MYOZ2: variants seen among roughly 807,000 people sequenced by gnomAD.
MYOZ2 encodes the protein myozenin 2.
In MYOZ2, 19 loss-of-function variants were observed where a neutral mutation model predicts 25.4. That is an observed-to-expected ratio of 0.75 (90% CI 0.52 to 1.10). MYOZ2 has a LOEUF of 1.10. Ranked by LOEUF, MYOZ2 falls within the 50% of genes least tolerant of loss-of-function variation. The probability of loss-of-function intolerance (pLI) is 0.00; values close to 1 mark genes in which losing one functional copy is unlikely to be tolerated. For missense variants in MYOZ2, 270 were observed against 317.9 expected, an observed-to-expected ratio of 0.85 and a Z score of 1.15; for synonymous variants, 92 against 106.9, an observed-to-expected ratio of 0.86 and a Z score of 0.86.
intron 4 of MYOZ2, among the ~76,000 whole-genome samples, chr4:119,159,009 C>G (rs1174369484): frequency 6.6e-6 from 1 of 152,112 alleles, no homozygotes; most frequent in Non-Finnish European, 1.5e-5. Flanking sequence ...GATGGATACC[C>G]CATTTATCCT....
intron 5 of MYOZ2, among the ~76,000 whole-genome samples, chr4:119,172,012 G>A (rs1368511019): frequency 1.3e-5 from 2 of 152,250 alleles, no homozygotes; most frequent in East Asian, 3.9e-4. Context: ...TAGTCAAATG[G>A]CATTCAGCAA....
intron 4 of MYOZ2, 94 bp downstream of exon 4, chr4:119,158,245 A>G: frequency 6.7e-7 from 1 of 1,490,168 alleles, no homozygotes; most frequent in South Asian, 1.2e-5. Context: ...TAGTATTTAA[A>G]TAATATATCT....
At position 119,176,978 on chromosome 4, in the gene MYOZ2, T is replaced by C. The variant is rs577927917; in HGVS notation, c.561-8988T>C. On this transcript the variant is annotated intron_variant, in intron 5 of 5. Coordinates refer to ENST00000307128, the MANE Select transcript of MYOZ2 (RefSeq NM_016599.5). ...AGTGCTGCTATCTGTGACCACACAC[T>C]GAGTACTGGGAGGCGGAGGTTGCAG... 3.9e-4 allele frequency among the ~76,000 whole-genome samples: 60 copies of C among 152,278 alleles called. No homozygotes were observed. The South Asian group carries it at 7.3e-3, about 18-fold the overall frequency.
At chr4:119,174,537 G>C (rs998292164) in intron 5 of MYOZ2, among the ~76,000 whole-genome samples, 1 of 152,100 alleles carries the variant, frequency 6.6e-6, no homozygotes, top group South Asian at 2.1e-4. Context: ...AGCTGCTCTG[G>C]TGGGGCCTTG....
intron 5 of MYOZ2, among the ~76,000 whole-genome samples, chr4:119,178,470 CT>C (rs2149229088): frequency 6.6e-6 from 1 of 152,292 alleles, no homozygotes; most frequent in South Asian, 2.1e-4. Flanking sequence ...AAATGGGCTC[CT>C]TTTCCAATCT....
chr4:119,138,063 G>GT (rs958795840), intron 2 of MYOZ2, among the ~76,000 whole-genome samples: 8 of 152,018 alleles, frequency 5.3e-5, no homozygotes, highest in African/African-American at 9.6e-5. Flanking sequence ...AGGGTAAGAA[G>GT]TTTTTTTTCC....
intron 3 of MYOZ2, among the ~76,000 whole-genome samples, chr4:119,152,213 AT>A (rs1347588768): frequency 1.7e-5 from 2 of 117,780 alleles, no homozygotes; most frequent in East Asian, 4.9e-4. Flanking sequence ...GTGAAGAATG[AT>A]TTTTTAATTG....
chr4:119,160,148 C>T (rs1410905948), intron 4 of MYOZ2, among the ~76,000 whole-genome samples: 1 of 152,126 alleles, frequency 6.6e-6, no homozygotes, highest in Non-Finnish European at 1.5e-5. Flanking sequence ...TTTACAGGGT[C>T]ACTGTGCAAA....
At chr4:119,153,090 T>C (rs748921511) in intron 3 of MYOZ2, among the ~76,000 whole-genome samples, 1 of 151,898 alleles carries the variant, frequency 6.6e-6, no homozygotes, top group Non-Finnish European at 1.5e-5. Context: ...TTTCTGAATT[T>C]TCCCCCTCAT....
chr4:119,143,482 C>G lies in MYOZ2; in HGVS notation c.76+6881C>G, dbSNP rs147767147. On this transcript the variant is annotated intron_variant, in intron 2 of 5. Coordinates refer to ENST00000307128, the MANE Select transcript of MYOZ2 (RefSeq NM_016599.5). ...GTGCTGGGATTATAGGCGTGAGCCA[C>G]CGCGCCTGGCCTGGCAATTAAATTT... Among the ~76,000 whole-genome samples the G allele has an allele frequency of 5.3e-3, 814 of 152,318 alleles. 6 individuals are homozygous for G. The highest frequency in any genetic ancestry group is 0.019 in the African/African-American group (795 of 41,560).
At chr4:119,145,089 G>C (rs1257448518) in intron 2 of MYOZ2, among the ~76,000 whole-genome samples, 1 of 152,026 alleles carries the variant, frequency 6.6e-6, no homozygotes, top group East Asian at 1.9e-4. Flanking sequence ...TCTTTGCCTA[G>C]CTCTAGATCT....
rs145164816 is a variant in MYOZ2 at position 119,144,358 on chromosome 4, C to A, written c.77-6514C>A. Among the ~76,000 whole-genome samples the A allele has an allele frequency of 4.5e-3, 688 of 152,210 alleles. 5 individuals are homozygous for A. Among genetic ancestry groups the A allele is most frequent in the African/African-American group, 0.015 (608 of 41,520 alleles). On this transcript the variant is annotated intron_variant, in intron 2 of 5. Coordinates refer to ENST00000307128, the MANE Select transcript of MYOZ2 (RefSeq NM_016599.5). ...ACCACAGTGTTTTTAATAGTTTACCCATTGAAGTACATCTGGGTTGTTTTC... is the reference window on the plus strand; with the variant it reads ...ACCACAGTGTTTTTAATAGTTTACCAATTGAAGTACATCTGGGTTGTTTTC...
intron 4 of MYOZ2, among the ~76,000 whole-genome samples, chr4:119,158,504 A>T (rs1355979193): frequency 1.3e-5 from 2 of 152,106 alleles, no homozygotes; most frequent in Non-Finnish European, 1.5e-5. Context: ...GTGAGCCATG[A>T]TCACACCACT....
chr4:119,174,094 C>T (rs1362960263), intron 5 of MYOZ2, among the ~76,000 whole-genome samples: 1 of 152,216 alleles, frequency 6.6e-6, no homozygotes. Flanking sequence ...CGTGGGCCGC[C>T]TGAGCCTCCC....
intron 3 of MYOZ2, among the ~76,000 whole-genome samples, chr4:119,154,892 A>ACAC (rs58689464): frequency 0.22 from 32,382 of 148,278 alleles, 3,896 homozygotes; most frequent in East Asian, 0.3. Flanking sequence ...CACACACACA[A>ACAC]TGCCTTTCTT....
At position 119,186,182 on chromosome 4, in the gene MYOZ2, A is replaced by G. The variant is rs1362642764; in HGVS notation, c.777A>G (p.Pro259=). The change falls in exon 6 of 6, where the codon CCA becomes CCG. Residue 259 remains proline, a synonymous_variant. Transcript: ENST00000307128. ...TTEPTDDTTV[P]ESEDL ...AACCTACAGATGATACCACTGTACC[A>G]GAATCAGAAGACCTATGAAAAGAAA... is the stretch of plus-strand genomic sequence containing the variant. 1 of 1,611,704 alleles carries G rather than the reference A, an allele frequency of 6.2e-7. No homozygotes were observed. Among genetic ancestry groups the G allele is most frequent in the Admixed American group, 1.7e-5 (1 of 60,020 alleles).
At chr4:119,151,084 T>C in intron 3 of MYOZ2, 43 bp downstream of exon 3, 1 of 1,528,804 alleles carries the variant, frequency 6.5e-7, no homozygotes, top group Non-Finnish European at 9.0e-7. Flanking sequence ...GAATGCGCAA[T>C]ATTTCTAAAT....
chr4:119,148,106 T>C (rs1741350322), intron 2 of MYOZ2, among the ~76,000 whole-genome samples: 1 of 152,200 alleles, frequency 6.6e-6, no homozygotes, highest in Admixed American at 6.5e-5. Flanking sequence ...GCAGGATATA[T>C]TTCACTGGGT....
At chr4:119,158,844 T>C (rs1045230943) in intron 4 of MYOZ2, among the ~76,000 whole-genome samples, 1 of 152,174 alleles carries the variant, frequency 6.6e-6, no homozygotes, top group Non-Finnish European at 1.5e-5. Context: ...ACGTTGAGGT[T>C]ATGAATGTCT....
Sources: gnomAD v4.1 joint callset for allele counts (sites outside exome capture counted in the v4.1 genomes callset) on GRCh38, gnomAD v4.1.1 for gene constraint, MANE v1.5 for transcripts, NCBI Gene and HGNC (gene_info 2026-07-23, HGNC 2026-07-21) for gene names.